Variants in DMRT2 observed in about 807,000 individuals in gnomAD.
DMRT2 encodes the protein doublesex- and mab-3-related transcription factor 2.
A neutral mutation model predicts 43.5 loss-of-function variants in DMRT2; 33 were observed. The ratio of observed to expected loss-of-function variants is 0.76; its 90% CI spans 0.58 to 1.01. The LOEUF (loss-of-function observed/expected upper bound fraction) is 1.01. Ranked by LOEUF, DMRT2 falls within the 50% of genes least tolerant of loss-of-function variation. The probability of loss-of-function intolerance (pLI) is 0.00; values close to 1 mark genes in which losing one functional copy is unlikely to be tolerated. For synonymous variants in DMRT2, 395 were observed against 309.2 expected (o/e 1.28, Z -2.91); for missense variants, 1,064 against 748.0 (o/e 1.42, Z -4.93).
In DMRT2 at chr9:1,055,750, T is replaced by C. The variant is rs1424197790; in HGVS notation, c.629-466T>C. 4.0e-6 allele frequency: 6 copies of C among 1,506,996 alleles called. No homozygotes were observed. The African/African-American group carries it at 4.3e-5, about 11-fold the overall frequency. The allele number at this position is 1,506,996 out of a possible 1,614,324, so 93.4% of individuals were successfully genotyped here. On this transcript the variant is annotated intron_variant, in intron 3 of 3. Coordinates refer to ENST00000358146, the MANE Select transcript of DMRT2 (RefSeq NM_181872.6). The stretch of plus-strand genomic sequence containing the variant: ...TCCTTGGATTATTCTACAGCTATTA[T>C]GTGTACATAATGAACCATCTTTAGA...
Position 1,053,739 on chromosome 9 carries a change from C to T in DMRT2, c.543C>T (p.Ser181=), listed in dbSNP as rs559419614. The stretch of plus-strand genomic sequence containing the variant: ...GTTTACAGGACAAGAAGGGGCTTTC[C>T]GGGAAACAGAATAATTTCGAGCGCA... ...QQATEDKKGL[S]GKQNNFERKA... Residue 181 remains serine, a synonymous_variant, in exon 3 of 4, where the codon TCC becomes TCT. Coordinates refer to ENST00000358146, the MANE Select transcript of DMRT2 (RefSeq NM_181872.6). The T allele has an allele frequency of 2.5e-6, 4 of 1,613,496 alleles. No homozygotes were observed. In the East Asian group the frequency reaches 6.7e-5, roughly 27 times the overall value.
chr9:1,052,192 G>C, intron 2 of DMRT2, 54 bp downstream of exon 2: 1 of 1,292,798 alleles, frequency 7.7e-7, no homozygotes, highest in Non-Finnish European at 9.8e-7. Flanking sequence ...TGGGGGAGTT[G>C]GAGGGGAGCG....
intron 3 of DMRT2, among the ~76,000 whole-genome samples, chr9:1,054,080 C>T (rs872343): frequency 0.081 from 12,383 of 152,212 alleles, 609 homozygotes; most frequent in African/African-American, 0.13. Flanking sequence ...ATCTCACATA[C>T]CTCCTGAGGT....
In DMRT2 at chr9:1,056,219, A is replaced by C. The variant is rs147915017; in HGVS notation, c.632A>C (p.Tyr211Ser). Residue 211 changes from tyrosine to serine, a missense_variant, in exon 4 of 4, where the codon TAT (tyrosine) becomes TCT (serine). Coordinates refer to ENST00000358146, the MANE Select transcript of DMRT2 (RefSeq NM_181872.6). ...SLLAKSILEG[Y>S]RPIPAETYVG... ...GTGCAATCTTTGCTTCTTGTAGGCT[A>C]TCGCCCCATTCCAGCGGAGACTTAT... The C allele has an allele frequency of 5.0e-6, 8 of 1,603,996 alleles. No individual in the cohort carries two copies. Among genetic ancestry groups the C allele is most frequent in the Admixed American group, 1.7e-5 (1 of 57,392 alleles).
chr9:1,052,322 C>G (rs907658023), intron 2 of DMRT2, among the ~76,000 whole-genome samples, 184 bp downstream of exon 2: 2 of 152,120 alleles, frequency 1.3e-5, no homozygotes, highest in African/African-American at 4.8e-5. Flanking sequence ...AAAAAGCAGG[C>G]ATCTCTGGGG....
In DMRT2 at chr9:1,051,770, G is replaced by A. The variant is rs924517316; in HGVS notation, c.157G>A (p.Asp53Asn). ...GGACTGCGAGGACGACGAAGATGAC[G>A]ACGGGGTGGACGAAGACGCGGAAGA... is the stretch of plus-strand genomic sequence containing the variant. Reference protein sequence around the residue: ...DGDCEDDEDDDGVDEDAEEEG... With the variant: ...DGDCEDDEDDNGVDEDAEEEG... The change falls in exon 2 of 4, where the codon GAC (aspartate) becomes AAC (asparagine). Residue 53 changes from aspartate to asparagine, a missense_variant. By Grantham distance (23) the Asp-to-Asn change is conservative. Coordinates refer to ENST00000358146, the MANE Select transcript of DMRT2 (RefSeq NM_181872.6). The surrounding 1 kb of genome is among the most constrained non-coding windows in gnomAD (Gnocchi z 5.9). The A allele has an allele frequency of 3.3e-6, 5 of 1,519,480 alleles. No homozygotes were observed. Among genetic ancestry groups the A allele is most frequent in the South Asian group, 2.4e-5 (2 of 82,162 alleles). The allele number at this position is 1,519,480 out of a possible 1,614,324, so 94.1% of individuals were successfully genotyped here.
At position 1,056,825 on chromosome 9, in the gene DMRT2, C is replaced by G; in HGVS notation, c.1238C>G (p.Thr413Arg). The G allele has an allele frequency of 1.2e-6, 2 of 1,614,124 alleles. No homozygotes were observed. The highest frequency in any genetic ancestry group is 2.2e-5 in the South Asian group (2 of 91,074). Residue 413 changes from threonine to arginine, a missense_variant, in exon 4 of 4, where the codon ACG becomes AGG. Transcript: ENST00000358146. The part of the protein sequence containing the change: ...VLPHTPEIQT[T>R]RSDLQGHQAV... ...CCTCACACTCCTGAGATCCAGACCA[C>G]GAGAAGTGACCTTCAGGGTCATCAG... is the stretch of plus-strand genomic sequence containing the variant.
chr9:1,051,223 G>T lies in DMRT2; in HGVS notation c.-44-347G>T, dbSNP rs1345794070. ...TTGAGTATGGGGAAATCCGACAAGTGGCCTGGGGCTGCCTATTTGGACACA... is the reference window on the plus strand; with the variant it reads ...TTGAGTATGGGGAAATCCGACAAGTTGCCTGGGGCTGCCTATTTGGACACA... On this transcript the variant is annotated intron_variant, in intron 1 of 3. Transcript: ENST00000358146. This position sits in a 1 kb window ranked among gnomAD's most constrained non-coding sequence, Gnocchi z 5.9. Among the ~76,000 whole-genome samples the T allele has an allele frequency of 6.6e-6, 1 of 152,168 alleles. No homozygotes were observed. Among genetic ancestry groups the T allele is most frequent in the Non-Finnish European group, 1.5e-5 (1 of 68,028 alleles).
At chr9:1,055,238 C>G (rs1040957090) in intron 3 of DMRT2, among the ~76,000 whole-genome samples, 7 of 152,084 alleles carry the variant, frequency 4.6e-5, no homozygotes, top group Non-Finnish European at 2.9e-5. Flanking sequence ...ATGGGTTTGT[C>G]ACTATGTAAA....
In DMRT2 at chr9:1,050,496, G is replaced by C. The variant is rs1307946112; in HGVS notation, c.-324G>C. 1 of 152,342 alleles carries C rather than the reference G, an allele frequency of 6.6e-6. No individual in the cohort carries two copies. Among genetic ancestry groups the C allele is most frequent in the African/African-American group, 2.4e-5 (1 of 41,464 alleles). 9.4% of individuals were successfully genotyped at this position (152,342 alleles called of 1,614,324 possible). On this transcript the variant is annotated 5_prime_UTR_variant, in exon 1 of 4. Transcript: ENST00000358146. Reference sequence around the variant, plus strand: ...GGCCTCAGCAAGGTGAGGCGCCCGAGGCTGCAGAAGACCGAGCAGAACTTT... The same window carrying C: ...GGCCTCAGCAAGGTGAGGCGCCCGACGCTGCAGAAGACCGAGCAGAACTTT...
rs781279164 is a variant in DMRT2 at position 1,053,767 on chromosome 9, G to C, written c.571G>C (p.Ala191Pro). The stretch of plus-strand genomic sequence containing the variant: ...GAAACAGAATAATTTCGAGCGCAAA[G>C]CTGTGTACCAGAGGCAAGTCAGAGC... The part of the protein sequence containing the change: ...SGKQNNFERK[A>P]VYQRQVRAPS... The change falls in exon 3 of 4, where the codon GCT (alanine) becomes CCT (proline). Residue 191 changes from alanine to proline, a missense_variant. Ala to Pro is a conservative substitution (Grantham distance 27, BLOSUM62 -1). Coordinates refer to ENST00000358146, the MANE Select transcript of DMRT2 (RefSeq NM_181872.6). 1.2e-6 allele frequency: 2 copies of C among 1,614,132 alleles called. No homozygotes were observed. The highest frequency in any genetic ancestry group is 1.7e-5 in the Admixed American group (1 of 60,024).
Position 1,051,923 on chromosome 9 carries a change from C to T in DMRT2, c.310C>T (p.Arg104Cys). The T allele has an allele frequency of 3.7e-6, 5 of 1,360,686 alleles. No homozygotes were observed. The South Asian group carries it at 9.2e-5, about 25-fold the overall frequency. 84.3% of individuals were successfully genotyped at this position (1,360,686 alleles called of 1,614,324 possible). A position where few individuals can be genotyped will look rare whatever the true frequency, so the allele number is the denominator to read the frequency against. ...ASPAGTGPRE[R>C]CTPAGGGAEP... The stretch of plus-strand genomic sequence containing the variant: ...ACCCGCCGGCACCGGTCCCCGAGAG[C>T]GCTGCACTCCCGCGGGCGGCGGCGC... The change falls in exon 2 of 4, where the codon CGC becomes TGC. Residue 104 changes from arginine to cysteine, a missense_variant. Coordinates refer to ENST00000358146, the MANE Select transcript of DMRT2 (RefSeq NM_181872.6). The surrounding 1 kb of genome is among the most constrained non-coding windows in gnomAD (Gnocchi z 5.9).
chr9:1,051,880 G>A lies in DMRT2; in HGVS notation c.267G>A (p.Pro89=). 7.2e-7 allele frequency: 1 copy of A among 1,380,016 alleles called. No individual in the cohort carries two copies. The highest frequency in any genetic ancestry group is 9.3e-7 in the Non-Finnish European group (1 of 1,078,404). 85.5% of individuals were successfully genotyped at this position (1,380,016 alleles called of 1,614,324 possible). ...GGGGGGGACCGCAGCCGAGGCCGCC[G>A]CTCGCGCCTCAGGCCTCACCCGCCG... ...EQRGGPQPRP[P]LAPQASPAGT... The change falls in exon 2 of 4, where the codon CCG becomes CCA. Residue 89 remains proline, a synonymous_variant. Transcript: ENST00000358146. This position sits in a 1 kb window ranked among gnomAD's most constrained non-coding sequence, Gnocchi z 5.9.
chr9:1,057,388 T>A lies in DMRT2; in HGVS notation c.*115T>A. Reference sequence around the variant, plus strand: ...AAAGAAATTTCTAATGTAAAGATGATGATTTTGAAAAATTTTATATATTCC... The same window carrying A: ...AAAGAAATTTCTAATGTAAAGATGAAGATTTTGAAAAATTTTATATATTCC... On this transcript the variant is annotated 3_prime_UTR_variant, in exon 4 of 4. Coordinates refer to ENST00000358146, the MANE Select transcript of DMRT2 (RefSeq NM_181872.6). 8.0e-7 allele frequency: 1 copy of A among 1,245,672 alleles called. No individual in the cohort carries two copies. Among genetic ancestry groups the A allele is most frequent in the Admixed American group, 2.7e-5 (1 of 36,736 alleles). 77.2% of individuals were successfully genotyped at this position (1,245,672 alleles called of 1,614,324 possible).
In DMRT2 at chr9:1,056,359, G is replaced by A. The variant is rs1821985087; in HGVS notation, c.772G>A (p.Glu258Lys). 1.9e-6 allele frequency: 3 copies of A among 1,614,042 alleles called. No individual in the cohort carries two copies. The highest frequency in any genetic ancestry group is 2.5e-6 in the Non-Finnish European group (3 of 1,180,054). The change falls in exon 4 of 4, where the codon GAG (glutamate) becomes AAG (lysine). Residue 258 changes from glutamate (E) to lysine (K), a missense_variant. Physicochemically the swap from Glu to Lys is moderately conservative, Grantham distance 56 (BLOSUM62 1). Transcript: ENST00000358146. ...IMLEREYKEREMLETSQAAAL... is the reference protein window; with the variant it reads ...IMLEREYKERKMLETSQAAAL... The stretch of plus-strand genomic sequence containing the variant: ...GCTGGAGAGAGAATATAAAGAAAGG[G>A]AGATGTTGGAAACTTCTCAAGCTGC...
chr9:1,051,198 T>G lies in DMRT2; in HGVS notation c.-44-372T>G, dbSNP rs1158840725. 6.6e-6 allele frequency among the ~76,000 whole-genome samples: 1 copy of G among 152,034 alleles called. No individual in the cohort carries two copies. Among genetic ancestry groups the G allele is most frequent in the Non-Finnish European group, 1.5e-5 (1 of 67,998 alleles). On this transcript the variant is annotated intron_variant, in intron 1 of 3. Transcript: ENST00000358146. The surrounding 1 kb of genome is among the most constrained non-coding windows in gnomAD (Gnocchi z 5.9). ...TTTATATGCATCATGGCCATACTAG[T>G]TGAGTATGGGGAAATCCGACAAGTG...
chr9:1,056,312 A>C lies in DMRT2; in HGVS notation c.725A>C (p.Asp242Ala). 6.2e-7 allele frequency: 1 copy of C among 1,614,220 alleles called. No individual in the cohort carries two copies. Among genetic ancestry groups the C allele is most frequent in the East Asian group, 2.2e-5 (1 of 44,882 alleles). The change falls in exon 4 of 4, where the codon GAT becomes GCT. Residue 242 changes from aspartate (D) to alanine (A), a missense_variant. Coordinates refer to ENST00000358146, the MANE Select transcript of DMRT2 (RefSeq NM_181872.6). ...ATGAGGAAAAGAAGAGCCTTTGCTG[A>C]TAAAGAGTTGGAGAACATTATGCTG... The part of the protein sequence containing the change: ...DRMRKRRAFA[D>A]KELENIMLER...
At position 1,051,870 on chromosome 9, in the gene DMRT2, C is replaced by A. The variant is rs975457368; in HGVS notation, c.257C>A (p.Pro86Gln). ...GQPEQRGGPQ[P>Q]RPPLAPQASP... Reference sequence around the variant, plus strand: ...CCGGAGCAGCGGGGGGGACCGCAGCCGAGGCCGCCGCTCGCGCCTCAGGCC... The same window carrying A: ...CCGGAGCAGCGGGGGGGACCGCAGCAGAGGCCGCCGCTCGCGCCTCAGGCC... The change falls in exon 2 of 4, where the codon CCG becomes CAG. Residue 86 changes from proline (P) to glutamine (Q), a missense_variant. Pro to Gln is a moderately conservative substitution (Grantham distance 76, BLOSUM62 -1). Transcript: ENST00000358146. This position sits in a 1 kb window ranked among gnomAD's most constrained non-coding sequence, Gnocchi z 5.9. The A allele has an allele frequency of 4.8e-5, 66 of 1,382,734 alleles. 1 individual carries two copies. The East Asian group carries it at 1.1e-3, about 24-fold the overall frequency. 85.7% of individuals were successfully genotyped at this position (1,382,734 alleles called of 1,614,324 possible). A position where few individuals can be genotyped will look rare whatever the true frequency, so the allele number is the denominator to read the frequency against.
At position 1,057,005 on chromosome 9, in the gene DMRT2, C is replaced by A. The variant is rs764604885; in HGVS notation, c.1418C>A (p.Ser473Ter). Residue 473 changes from serine to a stop codon, truncating the protein, a stop_gained, in exon 4 of 4, where the codon TCA becomes TAA. Transcript: ENST00000358146. LOFTEE classifies it high-confidence loss of function. ...CCACTTAGACATAATCCATTCCACT[C>A]ATTATTCCAGCAAACACTTACTGAC... ...PLPLRHNPFHSLFQQTLTDKS... is the reference protein window; with the variant it reads ...PLPLRHNPFH 1 of 1,614,178 alleles carries A rather than the reference C, an allele frequency of 6.2e-7. No homozygotes were observed.
Sources: gnomAD v4.1 joint callset for allele counts (sites outside exome capture counted in the v4.1 genomes callset) on GRCh38, gnomAD v4.1.1 for gene constraint, Gnocchi (gnomAD v3.1) non-coding constraint, MANE v1.5 for transcripts, NCBI Gene and HGNC (gene_info 2026-07-23, HGNC 2026-07-21) for gene names.